MCC: variants seen among roughly 807,000 people sequenced by gnomAD.
MCC encodes MCC regulator of Wnt signaling pathway.
Under a neutral mutation model 116.2 loss-of-function variants are expected in MCC, and 90 were observed. That is an observed-to-expected ratio of 0.77 (90% confidence interval 0.65 to 0.92). The LOEUF is 0.92. Ranked by LOEUF, MCC falls within the 40% of genes least tolerant of loss-of-function variation. The pLI, the probability that MCC is intolerant of heterozygous loss-of-function variation, is 0.00. For missense variants in MCC, 1,516 were observed against 1,312.2 expected, an observed-to-expected ratio of 1.16 and a Z score of -2.40; for synonymous variants, 578 against 510.5, an observed-to-expected ratio of 1.13 and a Z score of -1.78.
intron 3 of MCC, among the ~76,000 whole-genome samples, chr5:113,242,336 T>G (rs1427465597): frequency 6.6e-6 from 1 of 152,142 alleles, no homozygotes; most frequent in Non-Finnish European, 1.5e-5. Context: ...ATGGTATAAT[T>G]CTCAAACTTC....
intron 2 of MCC, 137 bp from the exon 3 acceptor site, chr5:113,340,867 T>A: frequency 1.5e-6 from 1 of 674,346 alleles, no homozygotes; most frequent in Non-Finnish European, 2.5e-6. Context: ...CCAGGCTGCA[T>A]GCTAAGCGCT....
At chr5:113,483,464 A>G (rs1772431489) in intron 1 of MCC, among the ~76,000 whole-genome samples, 1 of 152,188 alleles carries the variant, frequency 6.6e-6, no homozygotes, top group Non-Finnish European at 1.5e-5. Flanking sequence ...TGATGCAGAT[A>G]TATCACTGGG....
At chr5:113,084,680 C>T (rs926640741) in intron 9 of MCC, among the ~76,000 whole-genome samples, 1 of 152,212 alleles carries the variant, frequency 6.6e-6, no homozygotes, top group Non-Finnish European at 1.5e-5. Context: ...AACATAGGTA[C>T]TGGGGGGCTG....
intron 3 of MCC, among the ~76,000 whole-genome samples, chr5:113,288,952 G>C (rs1471057514): frequency 1.3e-5 from 2 of 152,166 alleles, no homozygotes; most frequent in Non-Finnish European, 2.9e-5. Context: ...ATGTGATTCA[G>C]AGTTATTACA....
At chr5:113,308,827 AAGAG>A (rs1487841251) in intron 3 of MCC, among the ~76,000 whole-genome samples, 1 of 151,866 alleles carries the variant, frequency 6.6e-6, no homozygotes, top group Non-Finnish European at 1.5e-5. Context: ...GAAAGAAAGA[AAGAG>A]AGAGACAGAA....
In MCC at chr5:113,037,016, C is replaced by T. The variant is rs59400418; in HGVS notation, c.2756+6514G>A. On this transcript the variant is annotated intron_variant, in intron 17 of 18. Transcript: ENST00000408903. ...TTGCTTGATTGCTTTTATACATCAACCAAATATGAAGAATCAGCAAGTTTA... is the reference window on the plus strand; with the variant it reads ...TTGCTTGATTGCTTTTATACATCAATCAAATATGAAGAATCAGCAAGTTTA... Among the ~76,000 whole-genome samples, 849 of 152,310 alleles carry T rather than the reference C, an allele frequency of 5.6e-3. 5 individuals are homozygous for T. The highest frequency in any genetic ancestry group is 0.019 in the African/African-American group (799 of 41,564).
At chr5:113,063,350 G>A (rs190523749) in intron 14 of MCC, among the ~76,000 whole-genome samples, 8 of 152,320 alleles carry the variant, frequency 5.3e-5, no homozygotes, top group East Asian at 1.9e-4. Flanking sequence ...CAAGGTCTTC[G>A]CCGCTCTCTT....
At chr5:113,280,084 T>C (rs1765983052) in intron 3 of MCC, among the ~76,000 whole-genome samples, 1 of 152,204 alleles carries the variant, frequency 6.6e-6, no homozygotes, top group Admixed American at 6.5e-5. Flanking sequence ...CACTGATCTC[T>C]TCTCTTCCTG....
intron 3 of MCC, among the ~76,000 whole-genome samples, chr5:113,166,248 A>G (rs1760760686): frequency 6.6e-6 from 1 of 152,212 alleles, no homozygotes; most frequent in Non-Finnish European, 1.5e-5. Flanking sequence ...TCCAACCTAG[A>G]TAAAAATATC....
intron 14 of MCC, among the ~76,000 whole-genome samples, chr5:113,054,843 G>A (rs571949715): frequency 6.6e-6 from 1 of 152,324 alleles, no homozygotes; most frequent in African/African-American, 2.4e-5. Flanking sequence ...CATGAAAGGG[G>A]GAGCACCACT....
At chr5:113,219,485 CTTA>C (rs1369172674) in intron 3 of MCC, among the ~76,000 whole-genome samples, 4 of 152,018 alleles carry the variant, frequency 2.6e-5, no homozygotes, top group African/African-American at 9.7e-5. Context: ...TTCCTAATAG[CTTA>C]TTTGAAAAAA....
At chr5:113,161,620 ATGTGTGTGTGTGTGTGTG>A (rs57962617) in intron 3 of MCC, among the ~76,000 whole-genome samples, 76,427 of 148,246 alleles carry the variant, frequency 0.52, 21,227 homozygotes, top group Non-Finnish European at 0.61. Flanking sequence ...GTTTAGATTT[ATGTGTGTGTGTGTGTGTG>A]TGTGTGTGTG....
At position 113,434,131 on chromosome 5, in the gene MCC, G is replaced by A. The variant is rs55738530; in HGVS notation, c.171-48919C>T. On this transcript the variant is annotated intron_variant, in intron 1 of 18. Transcript: ENST00000408903. This position sits in a 1 kb window ranked among gnomAD's most constrained non-coding sequence, Gnocchi z 4.2. ...CACTCGCCTGTCAGGTGCTTGGAGCGTGGGAAGTTGACGCGGTGCTCCTTC... is the reference window on the plus strand; with the variant it reads ...CACTCGCCTGTCAGGTGCTTGGAGCATGGGAAGTTGACGCGGTGCTCCTTC... The A allele has an allele frequency of 2.1e-4, 336 of 1,614,198 alleles. No individual in the cohort carries two copies. Among genetic ancestry groups the A allele is most frequent in the Admixed American group, 6.8e-4 (41 of 60,032 alleles).
chr5:113,314,451 G>GA (rs1767227579), intron 3 of MCC, among the ~76,000 whole-genome samples: 1 of 152,306 alleles, frequency 6.6e-6, no homozygotes, highest in East Asian at 1.9e-4. Flanking sequence ...AGCTTCACCT[G>GA]AAAGAACTGT....
At chr5:113,359,929 G>C (rs1161696298) in intron 2 of MCC, among the ~76,000 whole-genome samples, 1 of 152,130 alleles carries the variant, frequency 6.6e-6, no homozygotes, top group African/African-American at 2.4e-5. Context: ...GGCAGAGATT[G>C]CATTTTGGAT....
intron 13 of MCC, among the ~76,000 whole-genome samples, chr5:113,064,455 C>G (rs191142395): frequency 6.6e-6 from 1 of 152,198 alleles, no homozygotes; most frequent in Non-Finnish European, 1.5e-5. Context: ...AGCTCTAACA[C>G]GCTCTGATTT....
intron 3 of MCC, among the ~76,000 whole-genome samples, chr5:113,282,492 CT>C (rs1338553190): frequency 3.3e-5 from 5 of 152,180 alleles, no homozygotes; most frequent in Admixed American, 3.3e-4. Flanking sequence ...GGCATACTGA[CT>C]TCTGCTCCCT....
At chr5:113,139,827 T>C (rs1759075353) in intron 5 of MCC, among the ~76,000 whole-genome samples, 1 of 152,208 alleles carries the variant, frequency 6.6e-6, no homozygotes, top group African/African-American at 2.4e-5. Context: ...GTTCAAGCGA[T>C]TCTCCTGCCT....
chr5:113,444,876 A>G (rs777214052), intron 1 of MCC, among the ~76,000 whole-genome samples: 4 of 152,238 alleles, frequency 2.6e-5, no homozygotes, highest in South Asian at 4.1e-4. Context: ...CCACTGTTCC[A>G]TATCATTTAT....
Sources: gnomAD v4.1 joint callset for allele counts (sites outside exome capture counted in the v4.1 genomes callset) on GRCh38, gnomAD v4.1.1 for gene constraint, Gnocchi (gnomAD v3.1) non-coding constraint, MANE v1.5 for transcripts, NCBI Gene and HGNC (gene_info 2026-07-23, HGNC 2026-07-21) for gene names.